The following DAB2IP variants were observed in gnomAD, a reference collection of about 807,000 sequenced individuals.
The protein encoded by DAB2IP is disabled homolog 2-interacting protein.
Under a neutral mutation model 107.2 loss-of-function variants are expected in DAB2IP, and 28 were observed. That is an observed-to-expected ratio of 0.26 (90% CI 0.19 to 0.36). DAB2IP has a LOEUF of 0.36. DAB2IP is among the 10% of genes least tolerant of loss of function. The pLI is 1.00. For synonymous variants in DAB2IP, 755 were observed against 706.4 expected, an observed-to-expected ratio of 1.07 and a Z score of -1.09; for missense variants, 1,400 against 1,644.7, an observed-to-expected ratio of 0.85 and a Z score of 2.57.
At chr9:121,571,785 G>A (rs539480644) in intron 1 of DAB2IP, among the ~76,000 whole-genome samples, 26 of 152,180 alleles carry the variant, frequency 1.7e-4, no homozygotes, top group African/African-American at 5.6e-4. Context: ...GTGGTCTGGC[G>A]GTGGGAGCCC....
intron 1 of DAB2IP, among the ~76,000 whole-genome samples, chr9:121,601,663 G>A (rs766016761): frequency 1.4e-4 from 21 of 152,068 alleles, no homozygotes; most frequent in Non-Finnish European, 2.6e-4. Context: ...CTGCCCTGAG[G>A]ACTTTACACA....
In DAB2IP at chr9:121,699,940, G is replaced by A. The variant is rs1361972571; in HGVS notation, c.362+482G>A. Among the ~76,000 whole-genome samples the A allele has an allele frequency of 1.3e-5, 2 of 152,216 alleles. No homozygotes were observed. The highest frequency in any genetic ancestry group is 2.9e-5 in the Non-Finnish European group (2 of 68,032). ...TGAGGGGAAGGGTGAACATCTGGAG[G>A]GGAGGAGCAGGGGGCTGGGCCACTT... is the stretch of plus-strand genomic sequence containing the variant. On this transcript the variant is annotated intron_variant, in intron 3 of 15. Coordinates refer to ENST00000408936, the Ensembl canonical transcript of DAB2IP. The surrounding 1 kb of genome is among the most constrained non-coding windows in gnomAD (Gnocchi z 6.2).
intron 2 of DAB2IP, among the ~76,000 whole-genome samples, chr9:121,694,858 G>A (rs1035103035): frequency 6.6e-6 from 1 of 152,052 alleles, no homozygotes; most frequent in African/African-American, 2.4e-5. Flanking sequence ...CAGCAGCCTT[G>A]TGCAGCAGCC....
At chr9:121,715,804 C>G (rs911718325) in intron 3 of DAB2IP, among the ~76,000 whole-genome samples, 4 of 152,230 alleles carry the variant, frequency 2.6e-5, no homozygotes, top group Non-Finnish European at 4.4e-5. Context: ...CAGGTAGGGC[C>G]TATCAGTTGT....
At chr9:121,775,878 C>T (rs190641799) in intron 13 of DAB2IP, among the ~76,000 whole-genome samples, 1 of 152,174 alleles carries the variant, frequency 6.6e-6, no homozygotes, top group Non-Finnish European at 1.5e-5. Flanking sequence ...GTTTTTTAAC[C>T]TTTGTCATAT....
rs1834931416 is a variant in DAB2IP at position 121,773,506 on chromosome 9, C to G, written c.2967+11C>G. 1 of 1,487,616 alleles carries G rather than the reference C, an allele frequency of 6.7e-7. No individual in the cohort carries two copies. Among genetic ancestry groups the G allele is most frequent in the African/African-American group, 1.4e-5 (1 of 70,840 alleles). The allele number at this position is 1,487,616 out of a possible 1,614,324, so 92.2% of individuals were successfully genotyped here. ...GCAGTGCACAAGCAGGTCAGTGCTG[C>G]TAGTCAGAGGGCAGGGCTGGGCACT... On this transcript the variant is annotated intron_variant, in intron 12 of 15. Coordinates refer to ENST00000408936, the Ensembl canonical transcript of DAB2IP.
rs182562255 is a variant in DAB2IP at position 121,766,510 on chromosome 9, T to C, written c.1477T>C (p.Leu493=). ...CCTACACAGTGTCTTCCCACGGGAG[T>C]TGAAAGAGGTGTTTGCCTCGTGGAG... The change falls in exon 9 of 16, where the codon TTG becomes CTG. Residue 493 remains leucine (L), a synonymous_variant. Coordinates refer to ENST00000408936, the Ensembl canonical transcript of DAB2IP. 1.2e-4 allele frequency: 186 copies of C among 1,607,904 alleles called. 1 individual carries two copies. The East Asian group carries it at 3.5e-3, about 30-fold the overall frequency.
At chr9:121,612,757 C>T (rs948580027) in intron 1 of DAB2IP, among the ~76,000 whole-genome samples, 1 of 152,008 alleles carries the variant, frequency 6.6e-6, no homozygotes, top group African/African-American at 2.4e-5. Context: ...GTTGTGTGTA[C>T]GTGTTGGTGG....
At chr9:121,769,170 G>T (rs904956404) in intron 10 of DAB2IP, among the ~76,000 whole-genome samples, 1 of 152,098 alleles carries the variant, frequency 6.6e-6, no homozygotes, top group Non-Finnish European at 1.5e-5. Flanking sequence ...TGGACTTAAG[G>T]GCTGGGTCTA....
rs904756322 is a variant in DAB2IP at position 121,756,952 on chromosome 9, C to T, written c.363-61C>T. 1.5e-5 allele frequency: 24 copies of T among 1,609,986 alleles called. No homozygotes were observed. In the African/African-American group the frequency reaches 3.1e-4, roughly 21 times the overall value. The stretch of plus-strand genomic sequence containing the variant: ...GCACGGCCAGGGCAGATGGGTGGGA[C>T]ATGGCAACCAGCTTGACCCGGGCTG... On this transcript the variant is annotated intron_variant, in intron 3 of 15. Coordinates refer to ENST00000408936, the Ensembl canonical transcript of DAB2IP.
chr9:121,707,074 G>A (rs1427684039), intron 3 of DAB2IP, among the ~76,000 whole-genome samples: 2 of 152,242 alleles, frequency 1.3e-5, no homozygotes, highest in East Asian at 3.9e-4. Flanking sequence ...TGGCTTAGGA[G>A]GCCTGCGTTC....
intron 1 of DAB2IP, among the ~76,000 whole-genome samples, chr9:121,627,333 A>G (rs1456331415): frequency 6.6e-6 from 1 of 150,996 alleles, no homozygotes; most frequent in African/African-American, 2.4e-5. Context: ...AATTTATTCA[A>G]CCAGGCCCCC....
chr9:121,765,215 C>A (rs889683290), intron 8 of DAB2IP, among the ~76,000 whole-genome samples: 1 of 151,772 alleles, frequency 6.6e-6, no homozygotes, highest in Admixed American at 6.5e-5. Context: ...TCCCCCTCTT[C>A]CAGGGGGGCT....
intron 3 of DAB2IP, among the ~76,000 whole-genome samples, chr9:121,746,594 A>G (rs1262154377): frequency 6.6e-6 from 1 of 152,076 alleles, no homozygotes; most frequent in Non-Finnish European, 1.5e-5. Context: ...GTAACGTGGC[A>G]TGGCGCCCAG....
chr9:121,613,280 A>G (rs1049228190), intron 1 of DAB2IP, among the ~76,000 whole-genome samples: 8 of 152,024 alleles, frequency 5.3e-5, no homozygotes, highest in Non-Finnish European at 1.0e-4. Context: ...CTTGGGACCC[A>G]CCTTACCCCG....
At chr9:121,668,399 G>A (rs1293918582) in intron 1 of DAB2IP, among the ~76,000 whole-genome samples, 2 of 151,866 alleles carry the variant, frequency 1.3e-5, no homozygotes, top group African/African-American at 2.4e-5. Context: ...TACCACACCT[G>A]GCTAAATTTT....
rs1205179743 is a variant in DAB2IP, at chr9:121,766,747, T to C, written c.1697+17T>C. Reference sequence around the variant, plus strand: ...CTTTGCCAAGTGAGTGCCTCCTCCCTCACCAGGCAGAGTTGGGCAGGGCTG... The same window carrying C: ...CTTTGCCAAGTGAGTGCCTCCTCCCCCACCAGGCAGAGTTGGGCAGGGCTG... On this transcript the variant is annotated intron_variant, in intron 9 of 15. Transcript: ENST00000408936. 6.2e-7 allele frequency: 1 copy of C among 1,612,764 alleles called. No individual in the cohort carries two copies. The highest frequency in any genetic ancestry group is 1.1e-5 in the South Asian group (1 of 91,050).
Position 121,770,678 on chromosome 9 carries a change from A to G in DAB2IP, c.2032A>G (p.Ile678Val), listed in dbSNP as rs1035412946. 3 of 1,614,068 alleles carry G rather than the reference A, an allele frequency of 1.9e-6. No homozygotes were observed. In the African/African-American group the frequency reaches 4.0e-5, roughly 22 times the overall value. Residue 678 changes from isoleucine to valine, a missense_variant, in exon 11 of 16, where the codon ATC becomes GTC. Coordinates refer to ENST00000408936, the Ensembl canonical transcript of DAB2IP. ...CACACCGGGCTCTGGCAGCAGCAGC[A>G]TCTCAGCTGGGCTGCAGAAGATGGT...
chr9:121,584,306 C>T (rs546355710), intron 1 of DAB2IP, among the ~76,000 whole-genome samples: 7 of 151,946 alleles, frequency 4.6e-5, no homozygotes, highest in African/African-American at 1.5e-4. Flanking sequence ...ATTTAAATGA[C>T]GGTTCTGGAT....
Sources: allele counts gnomAD v4.1 joint callset (sites outside exome capture counted in the v4.1 genomes callset), GRCh38; gene constraint gnomAD v4.1.1; non-coding constraint Gnocchi (gnomAD v3.1); transcripts MANE v1.5; gene names NCBI Gene and HGNC (gene_info 2026-07-23, HGNC 2026-07-21).